Variants in MUC15 observed in about 807,000 individuals in gnomAD.
MUC15 encodes mucin-15.
Under a neutral mutation model 24.0 loss-of-function variants are expected in MUC15, and 23 were observed. That is an observed-to-expected ratio of 0.96 (90% confidence interval 0.69 to 1.36). MUC15 has a LOEUF of 1.36. Among genes scored for constraint, MUC15 ranks in the 40% most tolerant of loss-of-function variants. The pLI is 0.00. For synonymous variants in MUC15, 151 were observed against 156.3 expected (o/e 0.97, Z 0.25); for missense variants, 442 against 428.2 (o/e 1.03, Z -0.29).
At chr11:26,563,467 G>T (rs502093) in intron 3 of MUC15, among the ~76,000 whole-genome samples, 98,615 of 150,560 alleles carry the variant, frequency 0.65, 32,525 homozygotes, top group Admixed American at 0.74. Context: ...ATGGGCAAAC[G>T]TATTTGTTGA....
chr11:26,571,056 TAA>T (rs1850804839), intron 1 of MUC15, among the ~76,000 whole-genome samples: 1 of 152,118 alleles, frequency 6.6e-6, no homozygotes, highest in Non-Finnish European at 1.5e-5. Flanking sequence ...TTATTCTGGC[TAA>T]AAGACTTAGG....
chr11:26,564,772 T>C (rs1347758138), intron 3 of MUC15, among the ~76,000 whole-genome samples: 2 of 110,658 alleles, frequency 1.8e-5, no homozygotes, highest in East Asian at 5.9e-4. Flanking sequence ...TATATATATA[T>C]ATATATATAT....
intron 1 of MUC15, 74 bp from the exon 2 acceptor site, chr11:26,567,213 T>A (rs1850623607): frequency 1.1e-6 from 1 of 928,074 alleles, no homozygotes; most frequent in Non-Finnish European, 1.4e-6. Context: ...AAATTTGCAG[T>A]GCTTTTAATG....
chr11:26,562,855 T>C (rs935449230), intron 4 of MUC15, among the ~76,000 whole-genome samples: 1 of 151,994 alleles, frequency 6.6e-6, no homozygotes, highest in African/African-American at 2.4e-5. Flanking sequence ...TTTATACATA[T>C]GTTTAGATTC....
chr11:26,569,089 G>A (rs964820866), intron 1 of MUC15, among the ~76,000 whole-genome samples: 1 of 151,772 alleles, frequency 6.6e-6, no homozygotes, highest in African/African-American at 2.4e-5. Flanking sequence ...TTCATTACCT[G>A]CCTGTAATGA....
intron 3 of MUC15, among the ~76,000 whole-genome samples, chr11:26,564,732 C>CACATATAT (rs1565108986): frequency 1.2e-4 from 3 of 25,406 alleles, no homozygotes; most frequent in Admixed American, 6.3e-4. Flanking sequence ...CACACACACA[C>CACATATAT]ATATATATAT....
intron 4 of MUC15, among the ~76,000 whole-genome samples, chr11:26,562,072 C>G (rs1220697902): frequency 1.3e-5 from 2 of 151,756 alleles, no homozygotes; most frequent in Non-Finnish European, 2.9e-5. Flanking sequence ...TTTTATGCCT[C>G]TATCACAGCA....
Position 26,560,947 on chromosome 11 carries a change from G to A in MUC15, c.*118C>T, listed in dbSNP as rs1263577296. On this transcript the variant is annotated 3_prime_UTR_variant, in exon 5 of 5. Coordinates refer to ENST00000529533, the MANE Select transcript of MUC15 (RefSeq NM_001135091.2). Reference sequence around the variant, plus strand: ...TCTGCTACTGGTCTCCTGCTTTTATGATTCTCCTTGACAAAATCCACGTGA... The same window carrying A: ...TCTGCTACTGGTCTCCTGCTTTTATAATTCTCCTTGACAAAATCCACGTGA... The A allele has an allele frequency of 2.0e-6, 2 of 975,636 alleles. No homozygotes were observed. Among genetic ancestry groups the A allele is most frequent in the African/African-American group, 3.4e-5 (2 of 58,204 alleles). The allele number at this position is 975,636 out of a possible 1,614,324, so 60.4% of individuals were successfully genotyped here.
intron 2 of MUC15, 40 bp from the exon 3 acceptor site, chr11:26,565,936 A>G: frequency 6.7e-7 from 1 of 1,484,986 alleles, no homozygotes; most frequent in Non-Finnish European, 9.0e-7. Context: ...CTTAAATAAA[A>G]TACTCTGAGT....
chr11:26,564,774 TA>T, intron 3 of MUC15, among the ~76,000 whole-genome samples: 1 of 99,578 alleles, frequency 1.0e-5, no homozygotes, highest in Non-Finnish European at 2.2e-5. Flanking sequence ...TATATATATA[TA>T]TATATATATA....
At chr11:26,564,506 A>AT (rs549283317) in intron 3 of MUC15, among the ~76,000 whole-genome samples, 2 of 149,702 alleles carry the variant, frequency 1.3e-5, no homozygotes, top group Admixed American at 6.7e-5. Flanking sequence ...AAACTTAGTT[A>AT]TTTTTTTTCA....
At position 26,567,212 on chromosome 11, in the gene MUC15, GT is replaced by G. The variant is rs1850623739; in HGVS notation, c.-45-74del. On this transcript the variant is annotated intron_variant, in intron 1 of 4. Transcript: ENST00000529533. The stretch of plus-strand genomic sequence containing the variant: ...ATCTCATTAGAGGCTAAAATTTGCA[GT>G]GCTTTTAATGGAAAATTTACTTTAA... The G allele has an allele frequency of 5.1e-6, 5 of 974,930 alleles. No homozygotes were observed. In the East Asian group the frequency reaches 1.3e-4, roughly 25 times the overall value. 60.4% of individuals were successfully genotyped at this position (974,930 alleles called of 1,614,324 possible). A position where few individuals can be genotyped will look rare whatever the true frequency, so the allele number is the denominator to read the frequency against.
chr11:26,566,983 A>G (rs1850613788), intron 2 of MUC15, 69 bp downstream of exon 2: 1 of 1,271,334 alleles, frequency 7.9e-7, no homozygotes, highest in African/African-American at 1.5e-5. Flanking sequence ...TTAATATTCA[A>G]ATATAATAAT....
In MUC15 at chr11:26,559,457, A is replaced by G. The variant is rs1417824028; in HGVS notation, c.*1608T>C. On this transcript the variant is annotated 3_prime_UTR_variant, in exon 5 of 5. Transcript: ENST00000529533. Reference sequence around the variant, plus strand: ...CTTCCATAGAATGGTAGAATTATTTATAATCAGAAATGATGGTGGGGTATA... The same window carrying G: ...CTTCCATAGAATGGTAGAATTATTTGTAATCAGAAATGATGGTGGGGTATA... 1 of 331,520 alleles carries G rather than the reference A, an allele frequency of 3.0e-6. No homozygotes were observed. The highest frequency in any genetic ancestry group is 5.5e-6 in the Non-Finnish European group (1 of 181,880). 20.5% of individuals were successfully genotyped at this position (331,520 alleles called of 1,614,324 possible).
chr11:26,566,081 A>G (rs139688454), intron 2 of MUC15, among the ~76,000 whole-genome samples, 185 bp from the exon 3 acceptor site: 1,592 of 151,962 alleles, frequency 0.01, 28 homozygotes, highest in African/African-American at 0.036. Flanking sequence ...ACTGCTTTCC[A>G]CGTAATCTTT....
chr11:26,569,407 AC>A (rs1439133719), intron 1 of MUC15, among the ~76,000 whole-genome samples: 1 of 152,076 alleles, frequency 6.6e-6, no homozygotes, highest in African/African-American at 2.4e-5. Flanking sequence ...GATTGTCCTG[AC>A]ATTGCAGTAG....
chr11:26,559,773 A>G lies in MUC15; in HGVS notation c.*1292T>C. 6.2e-7 allele frequency: 1 copy of G among 1,608,608 alleles called. No homozygotes were observed. Among genetic ancestry groups the G allele is most frequent in the Middle Eastern group, 1.8e-4 (1 of 5,636 alleles). On this transcript the variant is annotated 3_prime_UTR_variant, in exon 5 of 5. Coordinates refer to ENST00000529533, the MANE Select transcript of MUC15 (RefSeq NM_001135091.2). Reference sequence around the variant, plus strand: ...AGTCTTCTTTGCTATTTTTATGGCAATATGGGGTAAGTACTTTCTTCATTA... The same window carrying G: ...AGTCTTCTTTGCTATTTTTATGGCAGTATGGGGTAAGTACTTTCTTCATTA...
chr11:26,570,956 C>G (rs1044489023), intron 1 of MUC15, among the ~76,000 whole-genome samples: 5 of 151,936 alleles, frequency 3.3e-5, no homozygotes, highest in Admixed American at 6.6e-5. Context: ...TCTCATTTTA[C>G]TTTTATGTGA....
chr11:26,561,140 G>T lies in MUC15; in HGVS notation c.1011C>A (p.Ala337=), dbSNP rs754710758. 1.2e-6 allele frequency: 2 copies of T among 1,612,644 alleles called. No homozygotes were observed. Among genetic ancestry groups the T allele is most frequent in the Admixed American group, 1.7e-5 (1 of 59,868 alleles). Residue 337 remains alanine, a synonymous_variant, in exon 5 of 5, where the codon GCC becomes GCA. Transcript: ENST00000529533. ...SYYNPTLNDS[A]MPESEENARD... ...GTGCATTTTCTTCACTTTCTGGCAT[G>T]GCTGAATCATTCAAAGTTGGATTGT... is the stretch of plus-strand genomic sequence containing the variant.
Sources: gnomAD v4.1 joint callset for allele counts (sites outside exome capture counted in the v4.1 genomes callset) on GRCh38, gnomAD v4.1.1 for gene constraint, MANE v1.5 for transcripts, NCBI Gene and HGNC (gene_info 2026-07-23, HGNC 2026-07-21) for gene names.